Variants in HIVEP2 observed in about 807,000 individuals in gnomAD.
HIVEP2 encodes transcription factor HIVEP2.
In HIVEP2, 14 loss-of-function variants were observed where a neutral mutation model predicts 180.7. The observed-to-expected ratio is 0.08, with a 90% confidence interval of 0.05 to 0.12. The LOEUF is 0.12. HIVEP2 is among the 10% of genes least tolerant of loss of function. HIVEP2 has a pLI of 1.00. For missense variants in HIVEP2, 2,579 were observed against 3,008.5 expected, an observed-to-expected ratio of 0.86 and a Z score of 3.34; for synonymous variants, 1,184 against 1,136.4, an observed-to-expected ratio of 1.04 and a Z score of -0.84.
chr6:142,893,887 C>G (rs983372064), intron 1 of HIVEP2, among the ~76,000 whole-genome samples: 4 of 152,114 alleles, frequency 2.6e-5, no homozygotes, highest in Non-Finnish European at 5.9e-5. Context: ...ATATATTATT[C>G]TAAGGGTTCA....
chr6:142,840,064 TGA>T (rs1775324240), intron 1 of HIVEP2, among the ~76,000 whole-genome samples: 1 of 151,954 alleles, frequency 6.6e-6, no homozygotes, highest in Non-Finnish European at 1.5e-5. Context: ...GAGTTCAGAG[TGA>T]GAGAGAACAG....
At chr6:142,842,213 TTC>T (rs1423239496) in intron 1 of HIVEP2, among the ~76,000 whole-genome samples, 8 of 152,296 alleles carry the variant, frequency 5.3e-5, no homozygotes, top group Non-Finnish European at 1.2e-4. Flanking sequence ...TGTGAAACAG[TTC>T]TGAGTTCAAA....
intron 2 of HIVEP2, among the ~76,000 whole-genome samples, chr6:142,811,686 A>C (rs1299032821): frequency 2.0e-5 from 3 of 152,226 alleles, no homozygotes; most frequent in Non-Finnish European, 4.4e-5. Context: ...TTCCTAACAC[A>C]TTCTCTCCAC....
At chr6:142,920,295 C>T (rs967411215) in intron 1 of HIVEP2, among the ~76,000 whole-genome samples, 3 of 152,124 alleles carry the variant, frequency 2.0e-5, no homozygotes, top group Non-Finnish European at 4.4e-5. Flanking sequence ...TTTGTATCTC[C>T]GAAGTCCTGG....
In HIVEP2 at chr6:142,771,378, G is replaced by C; in HGVS notation, c.3361C>G (p.His1121Asp). 1 of 1,612,954 alleles carries C rather than the reference G, an allele frequency of 6.2e-7. No homozygotes were observed. Among genetic ancestry groups the C allele is most frequent in the Non-Finnish European group, 8.5e-7 (1 of 1,179,956 alleles). The change falls in exon 5 of 10, where the codon CAT (histidine) becomes GAT (aspartate). Residue 1121 changes from histidine (H) to aspartate (D), a missense_variant. His to Asp is a moderately conservative substitution (Grantham distance 81). Around this residue, in one of 11 missense-constraint regions of HIVEP2, gnomAD observed 523 missense variants for 577.0 expected, o/e 0.91. Transcript: ENST00000367603. This position sits in a 1 kb window ranked among gnomAD's most constrained non-coding sequence, Gnocchi z 5.4. ...LHAGLRSGWH[H>D]GPPAVLPPLQ... ...GGAGGCAGCACAGCAGGCGGGCCAT[G>C]GTGCCACCCGGACCGGAGGCCAGCA...
chr6:142,861,399 T>C (rs548707661), intron 1 of HIVEP2, among the ~76,000 whole-genome samples: 1 of 152,280 alleles, frequency 6.6e-6, no homozygotes, highest in South Asian at 2.1e-4. Context: ...ATGAAAAACA[T>C]ATTGTCTCCT....
At chr6:142,907,115 GCATATT>G (rs1777282089) in intron 1 of HIVEP2, among the ~76,000 whole-genome samples, 1 of 152,168 alleles carries the variant, frequency 6.6e-6, no homozygotes, top group Non-Finnish European at 1.5e-5. Flanking sequence ...ATGGTCCGTA[GCATATT>G]CATACTCTTT....
At chr6:142,901,290 C>A (rs1777127598) in intron 1 of HIVEP2, among the ~76,000 whole-genome samples, 1 of 152,124 alleles carries the variant, frequency 6.6e-6, no homozygotes, top group Non-Finnish European at 1.5e-5. Flanking sequence ...AATAAATATG[C>A]TGTGAAACAC....
At chr6:142,841,984 T>C (rs918422681) in intron 1 of HIVEP2, among the ~76,000 whole-genome samples, 5 of 152,134 alleles carry the variant, frequency 3.3e-5, no homozygotes, top group African/African-American at 1.2e-4. Flanking sequence ...TAAAATCCTA[T>C]CTTAAATAAA....
At chr6:142,911,544 G>A (rs1196493911) in intron 1 of HIVEP2, among the ~76,000 whole-genome samples, 1 of 152,176 alleles carries the variant, frequency 6.6e-6, no homozygotes, top group Non-Finnish European at 1.5e-5. Flanking sequence ...GTTATCCCCA[G>A]ATTTACAGAC....
rs577568615 is a variant in HIVEP2 at position 142,786,987 on chromosome 6, T to C, written c.-527-3372A>G. Among the ~76,000 whole-genome samples the C allele has an allele frequency of 3.9e-5, 6 of 152,160 alleles. No homozygotes were observed. The South Asian group carries it at 1.2e-3, about 32-fold the overall frequency. ...CATTGTCATAATTAAAAACAATAAT[T>C]ATTGGCTGGATGTAGTGGCTCACAC... On this transcript the variant is annotated intron_variant, in intron 2 of 9. Coordinates refer to ENST00000367603, the MANE Select transcript of HIVEP2 (RefSeq NM_006734.4).
chr6:142,910,340 C>A (rs34616428), intron 1 of HIVEP2, among the ~76,000 whole-genome samples: 4 of 152,330 alleles, frequency 2.6e-5, no homozygotes, highest in Middle Eastern at 3.4e-3. Flanking sequence ...TGGTGGCTTG[C>A]GCCTGTAATC....
At chr6:142,843,853 A>C (rs929880918) in intron 1 of HIVEP2, among the ~76,000 whole-genome samples, 2 of 152,228 alleles carry the variant, frequency 1.3e-5, no homozygotes, top group Non-Finnish European at 2.9e-5. Flanking sequence ...ATTTTTGTAC[A>C]TATATTTATG....
chr6:142,838,229 A>C lies in HIVEP2; in HGVS notation c.-640-1182T>G, dbSNP rs139817757. ...AACTAGAAATCCATGTAGTCATGGG[A>C]AATATGTTTTCACTTTCAAGAAAAC... is the stretch of plus-strand genomic sequence containing the variant. On this transcript the variant is annotated intron_variant, in intron 1 of 9. Coordinates refer to ENST00000367603, the MANE Select transcript of HIVEP2 (RefSeq NM_006734.4). Among the ~76,000 whole-genome samples the C allele has an allele frequency of 1.9e-3, 292 of 152,232 alleles. 3 individuals carry two copies. Among genetic ancestry groups the C allele is most frequent in the African/African-American group, 6.8e-3 (284 of 41,546 alleles).
intron 2 of HIVEP2, among the ~76,000 whole-genome samples, chr6:142,818,635 T>C (rs1185444487): frequency 6.8e-6 from 1 of 147,306 alleles, no homozygotes; most frequent in East Asian, 2.0e-4. Context: ...CACAACTGCA[T>C]TCTAGCCTGG....
intron 1 of HIVEP2, among the ~76,000 whole-genome samples, chr6:142,881,483 G>A (rs1484219676): frequency 6.6e-6 from 1 of 152,134 alleles, no homozygotes; most frequent in African/African-American, 2.4e-5. Context: ...TGTTATTAGA[G>A]TACATTCCTG....
chr6:142,861,482 T>C (rs28743065), intron 1 of HIVEP2, among the ~76,000 whole-genome samples: 38,661 of 152,114 alleles, frequency 0.25, 5,346 homozygotes, highest in South Asian at 0.35. Context: ...AAAGAAGTAA[T>C]TCTATTACTT....
chr6:142,863,071 A>T (rs996750892), intron 1 of HIVEP2, among the ~76,000 whole-genome samples: 5 of 144,000 alleles, frequency 3.5e-5, no homozygotes, highest in African/African-American at 1.3e-4. Context: ...TAATATATGT[A>T]ATTATATGTA....
At chr6:142,844,242 G>A (rs998242920) in intron 1 of HIVEP2, among the ~76,000 whole-genome samples, 2 of 151,774 alleles carry the variant, frequency 1.3e-5, no homozygotes, top group Non-Finnish European at 2.9e-5. Flanking sequence ...CAACAGAAAA[G>A]CAACTGAGGA....
Sources: gnomAD v4.1 joint callset for allele counts (sites outside exome capture counted in the v4.1 genomes callset) on GRCh38, gnomAD v4.1.1 for gene constraint, gnomAD v4.1.1 regional missense constraint, Gnocchi (gnomAD v3.1) non-coding constraint, MANE v1.5 for transcripts, NCBI Gene and HGNC (gene_info 2026-07-23, HGNC 2026-07-21) for gene names.